Variants in MYO18A observed in about 807,000 individuals in gnomAD.
MYO18A encodes the protein myosin XVIIIA.
A neutral mutation model predicts 235.8 loss-of-function variants in MYO18A; 78 were observed. That is an observed-to-expected ratio of 0.33 (90% CI 0.28 to 0.40). MYO18A has a LOEUF of 0.40. Among genes scored for constraint, MYO18A ranks in the 10% least tolerant of loss-of-function variants. The probability of loss-of-function intolerance (pLI) is 1.00; values close to 1 mark genes in which losing one functional copy is unlikely to be tolerated. For missense variants in MYO18A, 2,215 were observed against 2,699.3 expected, an observed-to-expected ratio of 0.82 and a Z score of 3.98; for synonymous variants, 977 against 1,077.8, an observed-to-expected ratio of 0.91 and a Z score of 1.83.
intron 1 of MYO18A, 119 bp from the exon 2 acceptor site, chr17:29,167,140 C>G: frequency 3.1e-6 from 2 of 648,910 alleles, no homozygotes; most frequent in South Asian, 5.1e-5. Context: ...GTGCCAGGCA[C>G]TCTGCCTTAC....
chr17:29,161,679 G>T (rs2068177537), intron 2 of MYO18A, among the ~76,000 whole-genome samples: 1 of 152,152 alleles, frequency 6.6e-6, no homozygotes, highest in South Asian at 2.1e-4. Context: ...CGTCCTAAGG[G>T]ACTCCATTTG....
chr17:29,082,516 G>C (rs2066146126), intron 40 of MYO18A, 78 bp from the exon 41 acceptor site: 1 of 1,489,852 alleles, frequency 6.7e-7, no homozygotes, highest in Admixed American at 2.0e-5. Context: ...GGGGTGCAGG[G>C]GGTGTCTTGG....
chr17:29,158,454 C>A lies in MYO18A; in HGVS notation c.999+7488G>T, dbSNP rs1285196599. 7.1e-6 allele frequency among the ~76,000 whole-genome samples: 1 copy of A among 140,046 alleles called. No homozygotes were observed. The highest frequency in any genetic ancestry group is 1.6e-5 in the Non-Finnish European group (1 of 62,534). The allele number at this position is 140,046 out of a possible 152,430, so 91.9% of individuals were successfully genotyped here. On this transcript the variant is annotated intron_variant, in intron 2 of 41. Transcript: ENST00000527372. The surrounding 1 kb of genome is among the most constrained non-coding windows in gnomAD (Gnocchi z 4.3). ...ACACCATGCGGGACTCTTGAATTGGCTGCCCCCCATCAAACTGCACAGCAG... is the reference window on the plus strand; with the variant it reads ...ACACCATGCGGGACTCTTGAATTGGATGCCCCCCATCAAACTGCACAGCAG...
At chr17:29,087,482 C>T (rs1389953273) in intron 37 of MYO18A, among the ~76,000 whole-genome samples, 2 of 152,152 alleles carry the variant, frequency 1.3e-5, no homozygotes, top group South Asian at 2.1e-4. Context: ...GTCAGCAGGG[C>T]TTCCCGCAGG....
intron 1 of MYO18A, among the ~76,000 whole-genome samples, chr17:29,178,725 C>T (rs572912412): frequency 2.0e-4 from 30 of 152,248 alleles, no homozygotes; most frequent in African/African-American, 7.2e-4. Flanking sequence ...TAGAAAGTAG[C>T]CCCTGAACTA....
At chr17:29,105,427 G>A (rs995118477) in intron 20 of MYO18A, among the ~76,000 whole-genome samples, 6 of 152,048 alleles carry the variant, frequency 3.9e-5, no homozygotes, top group Non-Finnish European at 4.4e-5. Context: ...AAAGGGCCAG[G>A]AGAAAAAGAG....
chr17:29,118,118 G>T lies in MYO18A; in HGVS notation c.1965C>A (p.Ser655=), dbSNP rs755125397. 10 of 1,595,936 alleles carry T rather than the reference G, an allele frequency of 6.3e-6. No individual in the cohort carries two copies. The African/African-American group carries it at 1.3e-4, about 21-fold the overall frequency. Residue 655 remains serine (S), a synonymous_variant, in exon 10 of 42, where the codon TCC becomes TCA. Transcript: ENST00000527372. This position sits in a 1 kb window ranked among gnomAD's most constrained non-coding sequence, Gnocchi z 4.2. The stretch of plus-strand genomic sequence containing the variant: ...ACCAGCAGGCCTTCTGTTCATCGGG[G>T]GAGATGCCCAGCACCTTCATGGCCG... ...LQAAMKVLGI[S]PDEQKACWFI...
intron 21 of MYO18A, 142 bp downstream of exon 21, chr17:29,103,457 G>A (rs1001960540): frequency 8.4e-5 from 66 of 787,272 alleles, no homozygotes; most frequent in African/African-American, 6.3e-4. Flanking sequence ...GTGGCTGGGC[G>A]GGGTGGAGCT....
At chr17:29,170,455 C>T (rs1466418730) in intron 1 of MYO18A, among the ~76,000 whole-genome samples, 1 of 152,192 alleles carries the variant, frequency 6.6e-6, no homozygotes, top group East Asian at 1.9e-4. Context: ...CACTTTCCGG[C>T]ACCTCCTGGC....
intron 2 of MYO18A, among the ~76,000 whole-genome samples, chr17:29,157,564 A>T (rs781695921): frequency 6.6e-6 from 1 of 152,234 alleles, no homozygotes; most frequent in Non-Finnish European, 1.5e-5. Flanking sequence ...ATACCTGTGC[A>T]ACCTTACACA....
chr17:29,178,610 A>T (rs979545008), intron 1 of MYO18A, among the ~76,000 whole-genome samples: 3 of 152,156 alleles, frequency 2.0e-5, no homozygotes, highest in African/African-American at 7.2e-5. Flanking sequence ...TTCATCACAA[A>T]AAAACAGAGA....
chr17:29,105,499 C>T (rs1568068438), intron 20 of MYO18A, among the ~76,000 whole-genome samples: 1 of 151,774 alleles, frequency 6.6e-6, no homozygotes, highest in Non-Finnish European at 1.5e-5. Context: ...CTGGGGAGAC[C>T]CAAGGAAATG....
chr17:29,074,091 A>AGCCCCTCCGCACC lies in MYO18A; in HGVS notation c.*666_*678dup. ...TCAACCCAGCCCAGCAGCACCGGAG[A>AGCCCCTCCGCACC]GCCCCTCCGCACCTCATTCTTAAGA... is the stretch of plus-strand genomic sequence containing the variant. On this transcript the variant is annotated 3_prime_UTR_variant, in exon 42 of 42. Transcript: ENST00000527372. The surrounding 1 kb of genome is among the most constrained non-coding windows in gnomAD (Gnocchi z 4.4). 3 of 1,614,006 alleles carry AGCCCCTCCGCACC rather than the reference A, an allele frequency of 1.9e-6. No individual in the cohort carries two copies. The highest frequency in any genetic ancestry group is 2.5e-6 in the Non-Finnish European group (3 of 1,180,022).
At chr17:29,107,283 C>T in intron 19 of MYO18A, 94 bp from the exon 20 acceptor site, 1 of 1,211,728 alleles carries the variant, frequency 8.3e-7, no homozygotes, top group Non-Finnish European at 1.2e-6. Context: ...TGGAGAGTCA[C>T]CAAAAGGGAA....
chr17:29,079,939 C>T, intron 41 of MYO18A: 1 of 985,958 alleles, frequency 1.0e-6, no homozygotes, highest in Non-Finnish European at 1.2e-6. Context: ...CGTCTCCGTT[C>T]TCTTTCTTCT....
intron 2 of MYO18A, among the ~76,000 whole-genome samples, chr17:29,160,892 A>C (rs1004077881): frequency 1.3e-5 from 2 of 152,230 alleles, no homozygotes; most frequent in African/African-American, 4.8e-5. Flanking sequence ...CCTTCCTTTA[A>C]GACCCCCTCT....
At chr17:29,113,188 T>C (rs1208074860) in intron 15 of MYO18A, among the ~76,000 whole-genome samples, 1 of 152,214 alleles carries the variant, frequency 6.6e-6, no homozygotes, top group Non-Finnish European at 1.5e-5. Context: ...TTTAAACATC[T>C]GTCCCCGGGG....
At chr17:29,088,890 T>C (rs965358405) in intron 37 of MYO18A, among the ~76,000 whole-genome samples, 5 of 151,776 alleles carry the variant, frequency 3.3e-5, no homozygotes, top group South Asian at 2.1e-4. Flanking sequence ...ATACAAAAAT[T>C]AGCCAGGCAT....
rs775538879 is a variant in MYO18A, at chr17:29,090,109, G to C, written c.5389-11C>G. The C allele has an allele frequency of 1.2e-6, 2 of 1,608,914 alleles. No individual in the cohort carries two copies. Among genetic ancestry groups the C allele is most frequent in the Non-Finnish European group, 1.7e-6 (2 of 1,177,526 alleles). On this transcript the variant is annotated splice_polypyrimidine_tract_variant and intron_variant, in intron 36 of 41. Transcript: ENST00000527372. ...CTGGAGGGCTTGTAGCTAGAGGTGG[G>C]GGACAGGAAGAGAAGAAAGAACTGA...
Sources: allele counts gnomAD v4.1 joint callset (sites outside exome capture counted in the v4.1 genomes callset), GRCh38; gene constraint gnomAD v4.1.1; non-coding constraint Gnocchi (gnomAD v3.1); transcripts MANE v1.5; gene names NCBI Gene and HGNC (gene_info 2026-07-23, HGNC 2026-07-21).